GPR39: variants seen among roughly 807,000 people sequenced by gnomAD.
The protein encoded by GPR39 is zinc sensing receptor.
A neutral mutation model predicts 18.4 loss-of-function variants in GPR39; 23 were observed. The observed-to-expected ratio is 1.25, with a 90% CI of 0.90 to 1.77. The LOEUF is 1.77. Among genes scored for constraint, GPR39 ranks in the 40% most tolerant of loss-of-function variants. The pLI is 0.00. For missense variants in GPR39, 647 were observed against 602.4 expected (o/e 1.07, Z -0.78); for synonymous variants, 280 against 257.9 (o/e 1.09, Z -0.82).
Position 132,645,403 on chromosome 2 carries a change from T to C in GPR39, c.1159T>C (p.Phe387Leu). 6.2e-7 allele frequency: 1 copy of C among 1,613,650 alleles called. No individual in the cohort carries two copies. Among genetic ancestry groups the C allele is most frequent in the Non-Finnish European group, 8.5e-7 (1 of 1,179,986 alleles). Residue 387 changes from phenylalanine to leucine, a missense_variant, in exon 2 of 2, where the codon TTT (phenylalanine) becomes CTT (leucine). This residue lies in a region of GPR39 where 581 missense variants were observed against 506.8 expected (regional missense o/e 1.15). Transcript: ENST00000329321. ...HAHSTTDSAR[F>L]VQRPLLFASR... ...GCACTCCACCACCGACAGCGCCCGC[T>C]TTGTGCAGCGCCCGTTGCTCTTCGC...
intron 1 of GPR39, among the ~76,000 whole-genome samples, chr2:132,502,820 G>A (rs1304023964): frequency 3.9e-5 from 6 of 152,006 alleles, no homozygotes; most frequent in Admixed American, 3.9e-4. Context: ...CCTTGTCTTC[G>A]AGCTCTGAAG....
At chr2:132,474,293 T>C (rs1681086255) in intron 1 of GPR39, among the ~76,000 whole-genome samples, 1 of 152,216 alleles carries the variant, frequency 6.6e-6, no homozygotes, top group Non-Finnish European at 1.5e-5. Flanking sequence ...TAATCTTTTC[T>C]TCAGTCTGCT....
chr2:132,430,516 A>G (rs1680207017), intron 1 of GPR39, among the ~76,000 whole-genome samples: 1 of 152,196 alleles, frequency 6.6e-6, no homozygotes. Flanking sequence ...AGGGAAGGCT[A>G]AATAAAGAAC....
At chr2:132,607,449 A>G (rs780238211) in intron 1 of GPR39, among the ~76,000 whole-genome samples, 1 of 152,174 alleles carries the variant, frequency 6.6e-6, no homozygotes, top group Non-Finnish European at 1.5e-5. Flanking sequence ...TTGCAAGACA[A>G]TGTCTGGGAT....
chr2:132,524,839 ATTTAT>A (rs1047773636), intron 1 of GPR39, among the ~76,000 whole-genome samples: 1 of 152,210 alleles, frequency 6.6e-6, no homozygotes, highest in Admixed American at 6.5e-5. Flanking sequence ...GTGTTGTCAC[ATTTAT>A]TTTATTATTT....
At chr2:132,573,386 A>T (rs1352730949) in intron 1 of GPR39, among the ~76,000 whole-genome samples, 2 of 152,142 alleles carry the variant, frequency 1.3e-5, no homozygotes. Context: ...TAAGAAAAGC[A>T]ATCAGGAAGG....
chr2:132,596,005 AC>A (rs778131318), intron 1 of GPR39, among the ~76,000 whole-genome samples: 1 of 151,920 alleles, frequency 6.6e-6, no homozygotes, highest in South Asian at 2.1e-4. Context: ...GCTCTCCCCC[AC>A]CCTTATGGAA....
chr2:132,540,103 C>A (rs1253891512), intron 1 of GPR39, among the ~76,000 whole-genome samples: 10 of 152,178 alleles, frequency 6.6e-5, no homozygotes, highest in Admixed American at 5.9e-4. Flanking sequence ...GGTTCTTGTA[C>A]CCCATTCCCC....
At chr2:132,552,927 CACACACAT>C (rs1334989897) in intron 1 of GPR39, among the ~76,000 whole-genome samples, 193 of 138,554 alleles carry the variant, frequency 1.4e-3, no homozygotes, top group Admixed American at 2.7e-3. Context: ...TACACACACA[CACACACAT>C]ATATATATTT....
chr2:132,646,552 T>TAGAC lies in GPR39; in HGVS notation c.*947_*950dup, dbSNP rs1682094563. The TAGAC allele has an allele frequency of 3.0e-6, 1 of 338,038 alleles. No homozygotes were observed. The highest frequency in any genetic ancestry group is 5.3e-6 in the Non-Finnish European group (1 of 188,520). The allele number at this position is 338,038 out of a possible 1,614,324, so 20.9% of individuals were successfully genotyped here. On this transcript the variant is annotated 3_prime_UTR_variant, in exon 2 of 2. Coordinates refer to ENST00000329321, the MANE Select transcript of GPR39 (RefSeq NM_001508.3). ...TACCTGTTAATAAAGAGCTGTTAAA[T>TAGAC]AGACTTATTTACATTTTAAGTCAGA... is the stretch of plus-strand genomic sequence containing the variant.
intron 1 of GPR39, among the ~76,000 whole-genome samples, chr2:132,599,113 A>T (rs1680997834): frequency 6.6e-6 from 1 of 151,950 alleles, no homozygotes; most frequent in Admixed American, 6.6e-5. Flanking sequence ...AGGAGCTCTC[A>T]AGGGTCTAAG....
chr2:132,597,522 G>A (rs1680968164), intron 1 of GPR39, among the ~76,000 whole-genome samples: 1 of 152,108 alleles, frequency 6.6e-6, no homozygotes, highest in African/African-American at 2.4e-5. Context: ...CCTGCTCAGT[G>A]GACTCTAAAA....
chr2:132,516,017 C>T (rs11690033), intron 1 of GPR39, among the ~76,000 whole-genome samples: 4 of 151,902 alleles, frequency 2.6e-5, no homozygotes, highest in Non-Finnish European at 4.4e-5. Context: ...CTCCTGTTAT[C>T]GGAGTCCCAG....
chr2:132,627,918 C>A (rs920409768), intron 1 of GPR39, among the ~76,000 whole-genome samples: 4 of 152,168 alleles, frequency 2.6e-5, no homozygotes, highest in African/African-American at 9.7e-5. Context: ...CCAAGGCTGA[C>A]TGTGGCCAGT....
At chr2:132,561,458 C>CT (rs1558840198) in intron 1 of GPR39, among the ~76,000 whole-genome samples, 1 of 152,160 alleles carries the variant, frequency 6.6e-6, no homozygotes, top group African/African-American at 2.4e-5. Flanking sequence ...AGATTACTGC[C>CT]TTTGTCGTCA....
chr2:132,441,465 A>C (rs57067155), intron 1 of GPR39, among the ~76,000 whole-genome samples: 2,168 of 152,212 alleles, frequency 0.014, 63 homozygotes, highest in African/African-American at 0.046. Flanking sequence ...AAATACCAGG[A>C]AGATAAAACT....
intron 1 of GPR39, among the ~76,000 whole-genome samples, chr2:132,625,136 T>C (rs550039374): frequency 6.6e-6 from 1 of 152,036 alleles, no homozygotes; most frequent in East Asian, 1.9e-4. Context: ...GCTTTGCTTC[T>C]ACGTGGCTTT....
chr2:132,606,362 C>T (rs1238212636), intron 1 of GPR39, among the ~76,000 whole-genome samples: 2 of 152,220 alleles, frequency 1.3e-5, no homozygotes, highest in African/African-American at 4.8e-5. Context: ...GCTCAATGTT[C>T]AGCTAGCAGC....
chr2:132,582,984 C>T (rs1377021374), intron 1 of GPR39, among the ~76,000 whole-genome samples: 1 of 143,380 alleles, frequency 7.0e-6, no homozygotes, highest in African/African-American at 2.6e-5. Flanking sequence ...GACACTATCA[C>T]AGCTCATTGC....
Sources: allele counts gnomAD v4.1 joint callset (sites outside exome capture counted in the v4.1 genomes callset), GRCh38; gene constraint gnomAD v4.1.1; regional missense constraint gnomAD v4.1.1; transcripts MANE v1.5; gene names NCBI Gene and HGNC (gene_info 2026-07-23, HGNC 2026-07-21).